The following MTUS2 variants were observed in gnomAD, a reference collection of about 807,000 sequenced individuals.
MTUS2 encodes the protein microtubule associated scaffold protein 2.
Under a neutral mutation model 114.1 loss-of-function variants are expected in MTUS2, and 40 were observed. The observed-to-expected ratio is 0.35, with a 90% CI of 0.27 to 0.46. The LOEUF is 0.46. MTUS2 is among the 20% of genes least tolerant of loss of function. The pLI is 1.00. For missense variants in MTUS2, 1,679 were observed against 1,705.4 expected, an observed-to-expected ratio of 0.98 and a Z score of 0.27; for synonymous variants, 688 against 672.0, an observed-to-expected ratio of 1.02 and a Z score of -0.37.
chr13:29,377,086 A>C (rs1871814361), intron 8 of MTUS2, among the ~76,000 whole-genome samples: 1 of 152,220 alleles, frequency 6.6e-6, no homozygotes, highest in Non-Finnish European at 1.5e-5. Flanking sequence ...GCATCTAACT[A>C]CAGACCTTTA....
intron 6 of MTUS2, 148 bp from the exon 7 acceptor site, chr13:29,324,465 G>A: frequency 3.3e-6 from 2 of 612,680 alleles, no homozygotes; most frequent in Non-Finnish European, 5.8e-6. Flanking sequence ...CAAGCACAGG[G>A]GGTGGTGACC....
intron 5 of MTUS2, among the ~76,000 whole-genome samples, chr13:29,237,954 A>T (rs1184847983): frequency 6.6e-6 from 1 of 152,182 alleles, no homozygotes; most frequent in Admixed American, 6.5e-5. Flanking sequence ...GAAAAGAAAC[A>T]TGTATACTGT....
chr13:29,300,520 C>A (rs1350471689), intron 6 of MTUS2, among the ~76,000 whole-genome samples: 2 of 152,162 alleles, frequency 1.3e-5, no homozygotes, highest in East Asian at 3.9e-4. Context: ...CATTCTTATG[C>A]AAATTGCTAC....
At chr13:29,033,707 C>CA (rs887115102) in intron 3 of MTUS2, among the ~76,000 whole-genome samples, 178 bp from the exon 4 acceptor site, 1 of 151,856 alleles carries the variant, frequency 6.6e-6, no homozygotes, top group Non-Finnish European at 1.5e-5. Flanking sequence ...AGAGATCATC[C>CA]AGTGTGTTAT....
chr13:29,146,646 A>C (rs935199737), intron 5 of MTUS2, among the ~76,000 whole-genome samples: 1 of 152,196 alleles, frequency 6.6e-6, no homozygotes, highest in Non-Finnish European at 1.5e-5. Flanking sequence ...AAGATAAATA[A>C]ATTATCCAAC....
chr13:29,198,269 GT>G (rs1368167225), intron 5 of MTUS2, among the ~76,000 whole-genome samples: 2 of 152,174 alleles, frequency 1.3e-5, no homozygotes, highest in African/African-American at 4.8e-5. Flanking sequence ...AAGGGGTCTG[GT>G]TTCAGTTTTC....
intron 1 of MTUS2, among the ~76,000 whole-genome samples, chr13:28,829,164 G>A (rs887906343): frequency 2.0e-5 from 3 of 152,140 alleles, no homozygotes; most frequent in African/African-American, 7.2e-5. Context: ...TAAGAACAGT[G>A]AACTTTGTCA....
chr13:29,212,482 T>G (rs2139287913), intron 5 of MTUS2, among the ~76,000 whole-genome samples: 1 of 152,222 alleles, frequency 6.6e-6, no homozygotes, highest in African/African-American at 2.4e-5. Context: ...ACCATACAGG[T>G]TAAGGGCTCA....
At chr13:29,428,625 C>A in intron 8 of MTUS2, 5 of 691,154 alleles carry the variant, frequency 7.2e-6, no homozygotes, top group Non-Finnish European at 9.3e-6. Context: ...CCCGCAGCAG[C>A]AAGATCTGAT....
At chr13:29,354,746 A>C (rs1054212225) in intron 7 of MTUS2, among the ~76,000 whole-genome samples, 1 of 152,086 alleles carries the variant, frequency 6.6e-6, no homozygotes, top group Non-Finnish European at 1.5e-5. Context: ...GCTTCTCCCC[A>C]CCACCAGCTC....
chr13:29,005,074 C>T (rs796391081), intron 2 of MTUS2, among the ~76,000 whole-genome samples: 16 of 152,320 alleles, frequency 1.1e-4, no homozygotes, highest in African/African-American at 3.4e-4. Context: ...CATGGGCTCA[C>T]AGACCCCTTT....
chr13:29,276,142 C>T (rs965537563), intron 5 of MTUS2, among the ~76,000 whole-genome samples: 1 of 152,176 alleles, frequency 6.6e-6, no homozygotes, highest in African/African-American at 2.4e-5. Flanking sequence ...AGGGTGTCCA[C>T]ACACTGTGAG....
At chr13:28,980,378 C>A (rs1884306093) in intron 2 of MTUS2, among the ~76,000 whole-genome samples, 1 of 152,206 alleles carries the variant, frequency 6.6e-6, no homozygotes, top group South Asian at 2.1e-4. Flanking sequence ...TCGTTTGCCT[C>A]ATCCCACCCT....
At chr13:29,502,362 C>T (rs1053071209) in intron 15 of MTUS2, among the ~76,000 whole-genome samples, 12 of 152,258 alleles carry the variant, frequency 7.9e-5, no homozygotes, top group African/African-American at 2.4e-4. Context: ...CCTTTATCGG[C>T]AAACATTAAC....
chr13:29,450,755 C>T (rs1878625615), intron 9 of MTUS2, among the ~76,000 whole-genome samples: 1 of 152,004 alleles, frequency 6.6e-6, no homozygotes, highest in Admixed American at 6.5e-5. Flanking sequence ...AAAATATATA[C>T]TATACTAACA....
Position 28,830,551 on chromosome 13 carries a change from C to T in MTUS2, c.-315-9227C>T, listed in dbSNP as rs563583547. Reference sequence around the variant, plus strand: ...AGGCTCATCAACAGATTTGAACTAGCAGAAGAAAGAATCGGCAAACTTGAA... The same window carrying T: ...AGGCTCATCAACAGATTTGAACTAGTAGAAGAAAGAATCGGCAAACTTGAA... On this transcript the variant is annotated intron_variant, in intron 1 of 15. Coordinates refer to ENST00000612955, the MANE Select transcript of MTUS2 (RefSeq NM_001033602.4). 2.6e-5 allele frequency among the ~76,000 whole-genome samples: 4 copies of T among 152,004 alleles called. No homozygotes were observed. In the East Asian group the frequency reaches 5.8e-4, roughly 22 times the overall value.
At position 29,290,552 on chromosome 13, in the gene MTUS2, G is replaced by T. The variant is rs1246589608; in HGVS notation, c.2806+8687G>T. Reference sequence around the variant, plus strand: ...TCACCGCATTAGCCAGGATGGTCTCGATCTCCTGACCTCGTGATCCGCCTG... The same window carrying T: ...TCACCGCATTAGCCAGGATGGTCTCTATCTCCTGACCTCGTGATCCGCCTG... On this transcript the variant is annotated intron_variant, in intron 6 of 15. Transcript: ENST00000612955. Among the ~76,000 whole-genome samples the T allele has an allele frequency of 1.3e-5, 2 of 151,920 alleles. 1 individual carries two copies. The highest frequency in any genetic ancestry group is 1.3e-4 in the Admixed American group (2 of 15,246).
chr13:28,998,131 A>G (rs917516361), intron 2 of MTUS2, among the ~76,000 whole-genome samples: 2 of 151,808 alleles, frequency 1.3e-5, no homozygotes, highest in East Asian at 3.9e-4. Flanking sequence ...AAAGGATTTT[A>G]TTTCTCCTTC....
At chr13:29,152,092 G>A (rs937131955) in intron 5 of MTUS2, among the ~76,000 whole-genome samples, 13 of 151,950 alleles carry the variant, frequency 8.6e-5, no homozygotes, top group Admixed American at 3.3e-4. Context: ...TTTTGGGGGG[G>A]AATAGTTTCA....
Sources: allele counts gnomAD v4.1 joint callset (sites outside exome capture counted in the v4.1 genomes callset), GRCh38; gene constraint gnomAD v4.1.1; transcripts MANE v1.5; gene names NCBI Gene and HGNC (gene_info 2026-07-23, HGNC 2026-07-21).